SLC40A1: variants seen among roughly 807,000 people sequenced by gnomAD.
SLC40A1 encodes the protein solute carrier family 40 member 1, also known as ferroportin.
SLC40A1 carries 16 observed loss-of-function variants against 53.5 expected under a neutral mutation model. That is an observed-to-expected ratio of 0.30 (90% confidence interval 0.20 to 0.45). SLC40A1 has a LOEUF of 0.45. Ranked by LOEUF, SLC40A1 falls within the 20% of genes least tolerant of loss-of-function variation. SLC40A1 has a pLI of 1.00. For missense variants in SLC40A1, 545 were observed against 695.4 expected, an observed-to-expected ratio of 0.78 and a Z score of 2.43; for synonymous variants, 247 against 253.2, an observed-to-expected ratio of 0.98 and a Z score of 0.23.
At chr2:189,573,540 G>A (rs73047744) in intron 3 of SLC40A1, among the ~76,000 whole-genome samples, 4,135 of 152,234 alleles carry the variant, frequency 0.027, 173 homozygotes, top group African/African-American at 0.093. Flanking sequence ...CTCTTATGAG[G>A]CGCCCATATA....
intron 4 of SLC40A1, 147 bp from the exon 5 acceptor site, chr2:189,571,988 A>ATATCTATAAC: frequency 1.5e-6 from 1 of 668,680 alleles, no homozygotes; most frequent in South Asian, 1.7e-5. Flanking sequence ...TTTACGTTAT[A>ATATCTATAAC]GATATGAAAC....
chr2:189,563,607 G>C lies in SLC40A1; in HGVS notation c.1379C>G (p.Ala460Gly), dbSNP rs766486123. The C allele has an allele frequency of 1.2e-6, 2 of 1,614,010 alleles. No individual in the cohort carries two copies. The highest frequency in any genetic ancestry group is 1.7e-6 in the Non-Finnish European group (2 of 1,179,966). The change falls in exon 7 of 8, where the codon GCA becomes GGA. Residue 460 changes from alanine to glycine, a missense_variant. Around this residue, in one of 4 missense-constraint regions of SLC40A1, gnomAD observed 234 missense variants for 299.0 expected, o/e 0.78. Transcript: ENST00000261024. ...VPIISVSLLFAGVIAARIGLW... is the reference protein window; with the variant it reads ...VPIISVSLLFGGVIAARIGLW... ...ACCGATTCTAGCAGCAATGACGCCT[G>C]CAAACAGCAGACTGACAGAGATTAT...
chr2:189,577,173 G>A (rs948641124), intron 2 of SLC40A1, among the ~76,000 whole-genome samples: 5 of 152,202 alleles, frequency 3.3e-5, no homozygotes, highest in African/African-American at 9.6e-5. Context: ...ACTGAGAGCT[G>A]AAGGCAAACC....
At chr2:189,565,217 A>C in intron 6 of SLC40A1, 137 bp downstream of exon 6, 2 of 1,117,082 alleles carry the variant, frequency 1.8e-6, no homozygotes, top group Admixed American at 3.9e-5. Flanking sequence ...TGCCTCGTCT[A>C]CCAAAGCGAT....
At chr2:189,568,245 T>C (rs1282109704) in intron 5 of SLC40A1, among the ~76,000 whole-genome samples, 1 of 151,704 alleles carries the variant, frequency 6.6e-6, no homozygotes, top group Non-Finnish European at 1.5e-5. Context: ...TCCCAGCACT[T>C]TGGGAGGCCG....
chr2:189,577,788 A>T (rs1157854489), intron 2 of SLC40A1, among the ~76,000 whole-genome samples: 8 of 149,902 alleles, frequency 5.3e-5, no homozygotes, highest in East Asian at 2.0e-4. Context: ...TAATTTTTAA[A>T]TTTTTTTTTG....
intron 3 of SLC40A1, among the ~76,000 whole-genome samples, chr2:189,574,504 G>A (rs534535337): frequency 5.3e-5 from 8 of 152,216 alleles, no homozygotes; most frequent in East Asian, 1.9e-4. Flanking sequence ...ATTATCAACT[G>A]AGCAATTCAA....
At chr2:189,563,074 A>C (rs2030806043) in intron 7 of SLC40A1, among the ~76,000 whole-genome samples, 2 of 152,070 alleles carry the variant, frequency 1.3e-5, no homozygotes, top group Admixed American at 1.3e-4. Context: ...CAGTAATTCA[A>C]GACCACCTTC....
intron 2 of SLC40A1, among the ~76,000 whole-genome samples, chr2:189,577,652 T>C (rs1481476177): frequency 6.6e-6 from 1 of 150,442 alleles, no homozygotes; most frequent in Non-Finnish European, 1.5e-5. Flanking sequence ...TCTTATTCTG[T>C]TGTCCAGGCT....
chr2:189,572,016 T>A (rs781640017), intron 4 of SLC40A1, among the ~76,000 whole-genome samples, 175 bp from the exon 5 acceptor site: 9 of 152,200 alleles, frequency 5.9e-5, no homozygotes, highest in Admixed American at 2.0e-4. Context: ...ATACCAGTAG[T>A]CAATGGGCAT....
chr2:189,575,063 T>TG (rs1207455354), intron 3 of SLC40A1, 98 bp downstream of exon 3: 2 of 1,366,294 alleles, frequency 1.5e-6, no homozygotes, highest in African/African-American at 2.9e-5. Context: ...AGACATTCCC[T>TG]GGTTGTTTCT....
Position 189,565,455 on chromosome 2 carries a change from T to C in SLC40A1, c.659A>G (p.Tyr220Cys). Residue 220 changes from tyrosine (Y) to cysteine (C), a missense_variant, in exon 6 of 8, where the codon TAC becomes TGC. By Grantham distance (194) the Tyr-to-Cys change is radical. Transcript: ENST00000261024. ...GWNLVSMCVE[Y>C]VLLWKVYQKT... Reference sequence around the variant, plus strand: ...CTGGTAAACCTTCCAGAGCAGAACGTACTCCACGCACATGGATACCAAGTT... The same window carrying C: ...CTGGTAAACCTTCCAGAGCAGAACGCACTCCACGCACATGGATACCAAGTT... 6.2e-7 allele frequency: 1 copy of C among 1,614,230 alleles called. No homozygotes were observed. Among genetic ancestry groups the C allele is most frequent in the Non-Finnish European group, 8.5e-7 (1 of 1,180,040 alleles).
rs769863950 is a variant in SLC40A1 at position 189,568,786 on chromosome 2, G to A, written c.514+2929C>T. ...AATCGATTTTTAATCAATACCACACGAACACAAAATTTATCTGCCATACTT... is the reference window on the plus strand; with the variant it reads ...AATCGATTTTTAATCAATACCACACAAACACAAAATTTATCTGCCATACTT... On this transcript the variant is annotated intron_variant, in intron 5 of 7. Transcript: ENST00000261024. Among the ~76,000 whole-genome samples, 22 of 152,126 alleles carry A rather than the reference G, an allele frequency of 1.4e-4. 1 individual carries two copies. The South Asian group carries it at 3.7e-3, about 26-fold the overall frequency.
intron 3 of SLC40A1, among the ~76,000 whole-genome samples, chr2:189,574,485 G>A (rs1326659049): frequency 6.6e-6 from 1 of 152,182 alleles, no homozygotes; most frequent in African/African-American, 2.4e-5. Context: ...GGCATGGTCA[G>A]GTCTTGGCAT....
chr2:189,575,243 G>A lies in SLC40A1; in HGVS notation c.189C>T (p.Val63=), dbSNP rs764445682. The A allele has an allele frequency of 4.3e-6, 7 of 1,614,140 alleles. No homozygotes were observed. Among genetic ancestry groups the A allele is most frequent in the Non-Finnish European group, 5.9e-6 (7 of 1,179,996 alleles). Residue 63 remains valine (V), a synonymous_variant, in exon 3 of 8, where the codon GTC becomes GTT. Coordinates refer to ENST00000261024, the MANE Select transcript of SLC40A1 (RefSeq NM_014585.6). ...CAGACCCTGCCACCACCAGCCCGTAGACTGCTGTCAAAAGGAGGCTGTTTC... is the reference window on the plus strand; with the variant it reads ...CAGACCCTGCCACCACCAGCCCGTAAACTGCTGTCAAAAGGAGGCTGTTTC... ...LYGNSLLLTA[V]YGLVVAGSVL...
At chr2:189,575,070 T>A (rs2031246610) in intron 3 of SLC40A1, 91 bp downstream of exon 3, 2 of 1,430,468 alleles carry the variant, frequency 1.4e-6, no homozygotes, top group African/African-American at 2.8e-5. Context: ...CCCTGGTTGT[T>A]TCTCTCCTAG....
At chr2:189,562,512 G>C (rs1574236316) in intron 7 of SLC40A1, among the ~76,000 whole-genome samples, 1 of 152,092 alleles carries the variant, frequency 6.6e-6, no homozygotes, top group South Asian at 2.1e-4. Context: ...TCCTATTATA[G>C]TATAAGTACT....
intron 3 of SLC40A1, among the ~76,000 whole-genome samples, chr2:189,573,266 A>G (rs528363316): frequency 6.6e-6 from 1 of 152,314 alleles, no homozygotes; most frequent in Admixed American, 6.5e-5. Context: ...ACATAAATGG[A>G]GCTGTAGTAT....
At chr2:189,568,029 C>G (rs1379389049) in intron 5 of SLC40A1, among the ~76,000 whole-genome samples, 2 of 152,138 alleles carry the variant, frequency 1.3e-5, no homozygotes, top group African/African-American at 4.8e-5. Flanking sequence ...ATTTCTTACC[C>G]TTTCACTACT....
Sources: allele counts gnomAD v4.1 joint callset (sites outside exome capture counted in the v4.1 genomes callset), GRCh38; gene constraint gnomAD v4.1.1; regional missense constraint gnomAD v4.1.1; transcripts MANE v1.5; gene names NCBI Gene and HGNC (gene_info 2026-07-23, HGNC 2026-07-21).